MARCHF1: variants seen among roughly 807,000 people sequenced by gnomAD.
MARCHF1 encodes membrane associated ring-CH-type finger 1.
Under a neutral mutation model 54.2 loss-of-function variants are expected in MARCHF1, and 40 were observed. That is an observed-to-expected ratio of 0.74 (90% CI 0.57 to 0.96). The LOEUF (loss-of-function observed/expected upper bound fraction) is 0.96. MARCHF1 is among the 40% of genes least tolerant of loss of function. MARCHF1 has a pLI of 0.00. For missense variants in MARCHF1, 586 were observed against 656.5 expected, an observed-to-expected ratio of 0.89 and a Z score of 1.17; for synonymous variants, 236 against 236.3, an observed-to-expected ratio of 1.00 and a Z score of 0.01.
intron 5 of MARCHF1, among the ~76,000 whole-genome samples, chr4:163,674,739 CTT>C (rs1743853848): frequency 6.6e-6 from 1 of 151,996 alleles, no homozygotes. Flanking sequence ...AATAATTAGA[CTT>C]ATAATTTAAA....
chr4:164,322,569 G>A (rs114819643), intron 1 of MARCHF1, among the ~76,000 whole-genome samples: 17 of 151,938 alleles, frequency 1.1e-4, no homozygotes, highest in African/African-American at 3.6e-4. Flanking sequence ...AATAAATAAT[G>A]TAACTGAATT....
intron 1 of MARCHF1, among the ~76,000 whole-genome samples, chr4:164,345,800 A>G (rs1423334598): frequency 6.6e-6 from 1 of 151,806 alleles, no homozygotes; most frequent in Non-Finnish European, 1.5e-5. Context: ...TTGTTTTCAA[A>G]GTTGTTTATT....
chr4:164,337,284 T>C (rs1729767289), intron 1 of MARCHF1, among the ~76,000 whole-genome samples: 1 of 152,158 alleles, frequency 6.6e-6, no homozygotes, highest in African/African-American at 2.4e-5. Context: ...CACCAGACTG[T>C]TGGATCACAA....
chr4:164,188,155 A>C (rs1371142870), intron 1 of MARCHF1, among the ~76,000 whole-genome samples: 1 of 152,154 alleles, frequency 6.6e-6, no homozygotes, highest in Non-Finnish European at 1.5e-5. Context: ...CAGTCCCAGA[A>C]ATTATTTCTC....
intron 2 of MARCHF1, among the ~76,000 whole-genome samples, chr4:164,083,427 G>A (rs1755138781): frequency 6.6e-6 from 1 of 152,028 alleles, no homozygotes; most frequent in African/African-American, 2.4e-5. Context: ...GAGTGCTGCT[G>A]TGATGGCTCC....
chr4:163,893,147 AAT>A (rs1553961447), intron 3 of MARCHF1, among the ~76,000 whole-genome samples: 1 of 151,132 alleles, frequency 6.6e-6, no homozygotes, highest in African/African-American at 2.4e-5. Flanking sequence ...CTTTAAAAAA[AAT>A]TTTTTTTTGA....
intron 1 of MARCHF1, among the ~76,000 whole-genome samples, chr4:164,266,581 T>C (rs1169098173): frequency 6.6e-6 from 1 of 152,232 alleles, no homozygotes; most frequent in African/African-American, 2.4e-5. Flanking sequence ...ATAATCCACC[T>C]AGCCCTGTGA....
At chr4:163,604,861 C>G (rs1741091368) in intron 7 of MARCHF1, among the ~76,000 whole-genome samples, 1 of 152,036 alleles carries the variant, frequency 6.6e-6, no homozygotes, top group African/African-American at 2.4e-5. Context: ...ACTCTTACTT[C>G]TCATTTGGAT....
chr4:163,580,813 TG>T (rs1740207464), intron 8 of MARCHF1, among the ~76,000 whole-genome samples: 37 of 42,830 alleles, frequency 8.6e-4, no homozygotes, highest in Middle Eastern at 0.013. Context: ...TTTTTTTTTT[TG>T]AGACGGAGTC....
chr4:163,740,565 A>G (rs776531579), intron 4 of MARCHF1, among the ~76,000 whole-genome samples: 3 of 152,130 alleles, frequency 2.0e-5, no homozygotes, highest in Non-Finnish European at 4.4e-5. Flanking sequence ...CTGGGGAGAA[A>G]CCTTGAGTTT....
rs1279567223 is a variant in MARCHF1, at chr4:163,612,383, C to T, written c.898G>A (p.Gly300Arg). Reference protein sequence around the residue: ...SETDSSTEILGVPEGSKDMND... With the variant: ...SETDSSTEILRVPEGSKDMND... ...ATGTCCTTGCTGCCTTCTGGAACTC[C>T]CAGTATTTCAGTGCTGGAATCTGTT... Residue 300 changes from glycine (G) to arginine (R), a missense_variant, in exon 7 of 10, where the codon GGA becomes AGA. Around this residue, in one of 3 missense-constraint regions of MARCHF1, gnomAD observed 387 missense variants for 394.6 expected, o/e 0.98. Coordinates refer to ENST00000514618, the MANE Select transcript of MARCHF1 (RefSeq NM_001394959.1). 1 of 1,535,356 alleles carries T rather than the reference C, an allele frequency of 6.5e-7. No homozygotes were observed. The highest frequency in any genetic ancestry group is 1.2e-5 in the South Asian group (1 of 84,022).
intron 4 of MARCHF1, among the ~76,000 whole-genome samples, chr4:163,767,563 T>C (rs1747022265): frequency 6.6e-6 from 1 of 152,120 alleles, no homozygotes; most frequent in African/African-American, 2.4e-5. Context: ...CTCGATCTCC[T>C]GACCTCATGA....
chr4:164,160,500 C>T (rs1383707014), intron 1 of MARCHF1, among the ~76,000 whole-genome samples: 1 of 151,964 alleles, frequency 6.6e-6, no homozygotes, highest in African/African-American at 2.4e-5. Context: ...TGGCACATGA[C>T]TGTATGCTAA....
chr4:163,903,645 G>A (rs144009545), intron 3 of MARCHF1, among the ~76,000 whole-genome samples: 2 of 149,788 alleles, frequency 1.3e-5, no homozygotes, highest in African/African-American at 2.5e-5. Flanking sequence ...AATTTCACCC[G>A]TGTCGCCCAG....
chr4:164,052,267 AATCCTG>A (rs1560880887), intron 2 of MARCHF1, among the ~76,000 whole-genome samples: 1 of 8,620 alleles, frequency 1.2e-4, no homozygotes, highest in Non-Finnish European at 5.8e-4. Context: ...TCACGCCTGT[AATCCTG>A]TAATCCCAGC....
rs1442206101 is a variant in MARCHF1, at chr4:164,176,990, A to C, written c.-322-65328T>G. On this transcript the variant is annotated intron_variant, in intron 1 of 9. Transcript: ENST00000514618. ...TCTCTCTCTCTCTCTCTATATATAT[A>C]TATATATATATATATATATACAAAT... 5.9e-3 allele frequency among the ~76,000 whole-genome samples: 482 copies of C among 81,752 alleles called. 3 individuals are homozygous for C. Among genetic ancestry groups the C allele is most frequent in the East Asian group, 0.014 (44 of 3,040 alleles). 53.6% of individuals were successfully genotyped at this position (81,752 alleles called of 152,430 possible).
chr4:164,140,511 A>C (rs1756506120), intron 1 of MARCHF1, among the ~76,000 whole-genome samples: 1 of 152,078 alleles, frequency 6.6e-6, no homozygotes, highest in Non-Finnish European at 1.5e-5. Context: ...CTTCCTGTTG[A>C]CTAACTCCTC....
chr4:163,674,263 G>A (rs370329311), intron 5 of MARCHF1, among the ~76,000 whole-genome samples: 3 of 152,098 alleles, frequency 2.0e-5, no homozygotes, highest in Admixed American at 6.5e-5. Context: ...TATCCTAAAA[G>A]CCCTGACTTC....
intron 3 of MARCHF1, among the ~76,000 whole-genome samples, chr4:163,861,704 T>C (rs1196063161): frequency 1.3e-5 from 2 of 152,058 alleles, no homozygotes; most frequent in East Asian, 3.9e-4. Context: ...TAGAAAAGTA[T>C]TTTATAGATA....
Sources: allele counts gnomAD v4.1 joint callset (sites outside exome capture counted in the v4.1 genomes callset), GRCh38; gene constraint gnomAD v4.1.1; regional missense constraint gnomAD v4.1.1; transcripts MANE v1.5; gene names NCBI Gene and HGNC (gene_info 2026-07-23, HGNC 2026-07-21).